Variants in TOLLIP observed in about 807,000 individuals in gnomAD.
TOLLIP encodes toll interacting protein.
A neutral mutation model predicts 33.5 loss-of-function variants in TOLLIP; 16 were observed. The observed-to-expected ratio is 0.48, with a 90% CI of 0.32 to 0.72. The LOEUF (loss-of-function observed/expected upper bound fraction) is 0.72. TOLLIP is among the 30% of genes least tolerant of loss of function. The probability of loss-of-function intolerance (pLI) is 0.03; values close to 1 mark genes in which losing one functional copy is unlikely to be tolerated. For synonymous variants in TOLLIP, 176 were observed against 163.7 expected, an observed-to-expected ratio of 1.07 and a Z score of -0.57; for missense variants, 325 against 396.6, an observed-to-expected ratio of 0.82 and a Z score of 1.53.
chr11:1,283,699 G>A (rs1863581949), intron 5 of TOLLIP: 1 of 401,134 alleles, frequency 2.5e-6, no homozygotes, highest in Non-Finnish European at 5.0e-6. Context: ...ATAGGAACCA[G>A]AAAGAGGTAA....
chr11:1,280,447 T>C (rs1863456206), intron 5 of TOLLIP, among the ~76,000 whole-genome samples: 1 of 151,370 alleles, frequency 6.6e-6, no homozygotes, highest in Non-Finnish European at 1.5e-5. Context: ...CAGAAACCAG[T>C]GGGGGTTGTG....
chr11:1,293,567 A>G (rs1002076045), intron 2 of TOLLIP, among the ~76,000 whole-genome samples: 2 of 152,264 alleles, frequency 1.3e-5, no homozygotes, highest in Admixed American at 6.5e-5. Context: ...TACCTGGCCC[A>G]GTGAGGAGGC....
At chr11:1,299,157 C>T (rs1000254715) in intron 1 of TOLLIP, among the ~76,000 whole-genome samples, 3 of 152,170 alleles carry the variant, frequency 2.0e-5, no homozygotes, top group African/African-American at 4.8e-5. Context: ...CTTTTCAATT[C>T]GTCATAAGAC....
rs1863387894 is a variant in TOLLIP at position 1,278,608 on chromosome 11, C to T, written c.611-1355G>A. Among the ~76,000 whole-genome samples, 1 of 152,222 alleles carries T rather than the reference C, an allele frequency of 6.6e-6. No individual in the cohort carries two copies. The highest frequency in any genetic ancestry group is 2.4e-5 in the African/African-American group (1 of 41,452). On this transcript the variant is annotated intron_variant, in intron 5 of 5. Coordinates refer to ENST00000317204, the MANE Select transcript of TOLLIP (RefSeq NM_019009.4). This position sits in a 1 kb window ranked among gnomAD's most constrained non-coding sequence, Gnocchi z 4.7. ...CAGGCCGACTCTTCCTCCACACCCA[C>T]CCCTGCCTCCTCTGCTTCTCGGCTC...
intron 1 of TOLLIP, among the ~76,000 whole-genome samples, chr11:1,304,712 A>T (rs1864378936): frequency 6.6e-6 from 1 of 152,254 alleles, no homozygotes; most frequent in Non-Finnish European, 1.5e-5. Context: ...GAGCCCCTGT[A>T]CTTTCCCAGC....
chr11:1,288,803 CA>C (rs1196050965), intron 3 of TOLLIP, 27 bp from the exon 4 acceptor site: 1 of 1,604,592 alleles, frequency 6.2e-7, no homozygotes, highest in Middle Eastern at 1.7e-4. Context: ...GGAGAGGCCC[CA>C]GGCATCAGGG....
Position 1,286,351 on chromosome 11 carries a change from TGAGA to T in TOLLIP, c.520-263_520-260del, listed in dbSNP as rs759344430. ...GACCCCCTTCTAACTGGGATGTGAC[TGAGA>T]GAGGATGGTGACAGGAGGGACATCC... On this transcript the variant is annotated intron_variant, in intron 4 of 5. Transcript: ENST00000317204. 5.0e-4 allele frequency among the ~76,000 whole-genome samples: 76 copies of T among 152,274 alleles called. 1 individual carries two copies. The highest frequency in any genetic ancestry group is 7.2e-4 in the Admixed American group (11 of 15,302).
rs770995599 is a variant in TOLLIP at position 1,303,244 on chromosome 11, G to C, written c.33+6222C>G. On this transcript the variant is annotated intron_variant, in intron 1 of 5. Transcript: ENST00000317204. The surrounding 1 kb of genome is among the most constrained non-coding windows in gnomAD (Gnocchi z 4.2). ...CAGGCAGCCTTGCATCCTAAGTGCT[G>C]GGACGGTCAAGCAAGGCAGAGGCGG... 1.3e-5 allele frequency among the ~76,000 whole-genome samples: 2 copies of C among 152,160 alleles called. No individual in the cohort carries two copies. The highest frequency in any genetic ancestry group is 2.4e-5 in the African/African-American group (1 of 41,446).
intron 5 of TOLLIP, among the ~76,000 whole-genome samples, chr11:1,280,994 G>C (rs1187117497): frequency 6.6e-6 from 1 of 152,236 alleles, no homozygotes; most frequent in African/African-American, 2.4e-5. Flanking sequence ...GCCTGGCGGA[G>C]AGTCTCTGTC....
chr11:1,296,020 C>T lies in TOLLIP; in HGVS notation c.34-226G>A, dbSNP rs375639703. Among the ~76,000 whole-genome samples, 4 of 152,330 alleles carry T rather than the reference C, an allele frequency of 2.6e-5. No homozygotes were observed. In the East Asian group the frequency reaches 7.7e-4, roughly 29 times the overall value. On this transcript the variant is annotated intron_variant, in intron 1 of 5. Coordinates refer to ENST00000317204, the MANE Select transcript of TOLLIP (RefSeq NM_019009.4). ...AGGTGCAGCCCTCACTCAGGAGATC[C>T]CCAAATGCAGGTTTCTGCCGCTAAA...
rs113644457 is a variant in TOLLIP, at chr11:1,287,904, T to C, written c.519+720A>G. On this transcript the variant is annotated intron_variant, in intron 4 of 5. Coordinates refer to ENST00000317204, the MANE Select transcript of TOLLIP (RefSeq NM_019009.4). ...GCTGCACCCTCCCTGCTGCACCCTC[T>C]CTGCTGCACCCTCTCTGCTGTCACA... Among the ~76,000 whole-genome samples, 430 of 121,886 alleles carry C rather than the reference T, an allele frequency of 3.5e-3. 36 individuals carry two copies. Among genetic ancestry groups the C allele is most frequent in the African/African-American group, 7.4e-3 (228 of 30,732 alleles). 80.0% of individuals were successfully genotyped at this position (121,886 alleles called of 152,430 possible). A position where few individuals can be genotyped will look rare whatever the true frequency, so the allele number is the denominator to read the frequency against.
rs1590200690 is a variant in TOLLIP, at chr11:1,275,517, C to T, written c.*1522G>A. The T allele has an allele frequency of 1.3e-5, 2 of 152,162 alleles. No individual in the cohort carries two copies. The highest frequency in any genetic ancestry group is 2.4e-5 in the African/African-American group (1 of 41,404). The allele number at this position is 152,162 out of a possible 1,614,324, so 9.4% of individuals were successfully genotyped here. On this transcript the variant is annotated 3_prime_UTR_variant, in exon 6 of 6. Coordinates refer to ENST00000317204, the MANE Select transcript of TOLLIP (RefSeq NM_019009.4). ...CCAGGGGCCCCTCCGTCTGAGTGGT[C>T]GGCGTCTGCTGAACAAATACCATGT...
rs5743979 is a variant in TOLLIP, at chr11:1,285,656, G to A, written c.610+346C>T. Among the ~76,000 whole-genome samples, 225 of 151,860 alleles carry A rather than the reference G, an allele frequency of 1.5e-3. 1 individual carries two copies. The highest frequency in any genetic ancestry group is 5.2e-3 in the African/African-American group (216 of 41,288). On this transcript the variant is annotated intron_variant, in intron 5 of 5. Coordinates refer to ENST00000317204, the MANE Select transcript of TOLLIP (RefSeq NM_019009.4). ...GACACGACGGCACAGTGCAGAGCAC[G>A]TGTCACCTGACAGGGGCGTGAGGTT... is the stretch of plus-strand genomic sequence containing the variant.
intron 4 of TOLLIP, among the ~76,000 whole-genome samples, chr11:1,287,157 C>G (rs1048690483): frequency 6.6e-6 from 1 of 152,344 alleles, no homozygotes; most frequent in African/African-American, 2.4e-5. Context: ...TCGAAACTGT[C>G]AACTGCGGAT....
intron 4 of TOLLIP, among the ~76,000 whole-genome samples, chr11:1,287,110 A>C (rs1863733621): frequency 6.6e-6 from 1 of 151,050 alleles, no homozygotes; most frequent in South Asian, 2.1e-4. Flanking sequence ...CAAAACTGTC[A>C]GCTGTGGATA....
At position 1,303,663 on chromosome 11, in the gene TOLLIP, G is replaced by C. The variant is rs1305653477; in HGVS notation, c.33+5803C>G. Among the ~76,000 whole-genome samples, 1 of 152,242 alleles carries C rather than the reference G, an allele frequency of 6.6e-6. No homozygotes were observed. Among genetic ancestry groups the C allele is most frequent in the East Asian group, 1.9e-4 (1 of 5,186 alleles). ...CGCAGGATCTGGAGACAGTGACTCA[G>C]GGACAGGAAACACTTGCACAGCAGG... is the stretch of plus-strand genomic sequence containing the variant. On this transcript the variant is annotated intron_variant, in intron 1 of 5. Coordinates refer to ENST00000317204, the MANE Select transcript of TOLLIP (RefSeq NM_019009.4). This position sits in a 1 kb window ranked among gnomAD's most constrained non-coding sequence, Gnocchi z 4.2.
chr11:1,279,686 G>A (rs572568621), intron 5 of TOLLIP, among the ~76,000 whole-genome samples: 15 of 152,352 alleles, frequency 9.8e-5, no homozygotes, highest in South Asian at 6.2e-4. Context: ...TCTTCACGCC[G>A]TGTGAATCTG....
chr11:1,308,225 G>T (rs1864469359), intron 1 of TOLLIP, among the ~76,000 whole-genome samples: 1 of 152,228 alleles, frequency 6.6e-6, no homozygotes, highest in Non-Finnish European at 1.5e-5. Flanking sequence ...GGGTGTGTGG[G>T]TCACAGGGAC....
At chr11:1,289,895 G>A (rs1297129421) in intron 3 of TOLLIP, among the ~76,000 whole-genome samples, 1 of 149,926 alleles carries the variant, frequency 6.7e-6, no homozygotes, top group Non-Finnish European at 1.5e-5. Context: ...CAGCGGAGGG[G>A]ACACGTGCAC....
Sources: allele counts gnomAD v4.1 joint callset (sites outside exome capture counted in the v4.1 genomes callset), GRCh38; gene constraint gnomAD v4.1.1; non-coding constraint Gnocchi (gnomAD v3.1); transcripts MANE v1.5; gene names NCBI Gene and HGNC (gene_info 2026-07-23, HGNC 2026-07-21).